PLD5: variants seen among roughly 807,000 people sequenced by gnomAD.
PLD5 encodes phospholipase D family member 5.
PLD5 carries 36 observed loss-of-function variants against 61.1 expected under a neutral mutation model. The observed-to-expected ratio is 0.59, with a 90% confidence interval of 0.45 to 0.78. The LOEUF (loss-of-function observed/expected upper bound fraction) is 0.78. Ranked by LOEUF, PLD5 falls within the 30% of genes least tolerant of loss-of-function variation. The pLI is 0.00. For missense variants in PLD5, 515 were observed against 644.4 expected, an observed-to-expected ratio of 0.80 and a Z score of 2.17; for synonymous variants, 243 against 242.8, an observed-to-expected ratio of 1.00 and a Z score of -0.01.
intron 5 of PLD5, among the ~76,000 whole-genome samples, chr1:242,171,163 G>A (rs562191110): frequency 1.5e-3 from 233 of 152,320 alleles, no homozygotes; most frequent in African/African-American, 5.3e-3. Flanking sequence ...TCCACAAAGG[G>A]AAGCTCATCA....
intron 1 of PLD5, among the ~76,000 whole-genome samples, chr1:242,449,091 G>T (rs377602080): frequency 1.3e-5 from 2 of 152,322 alleles, no homozygotes; most frequent in South Asian, 4.1e-4. Context: ...GTCACCGTAG[G>T]ACTGTCCTTC....
intron 1 of PLD5, among the ~76,000 whole-genome samples, chr1:242,372,912 G>T (rs1048904291): frequency 6.6e-6 from 1 of 152,098 alleles, no homozygotes; most frequent in Non-Finnish European, 1.5e-5. Context: ...AACACCAAAA[G>T]CAACGGCAAC....
chr1:242,399,868 T>C (rs559492492), intron 1 of PLD5, among the ~76,000 whole-genome samples: 3 of 151,558 alleles, frequency 2.0e-5, no homozygotes, highest in Non-Finnish European at 4.4e-5. Flanking sequence ...CTAGGCTGCG[T>C]GCTCCTTATG....
intron 1 of PLD5, among the ~76,000 whole-genome samples, chr1:242,389,689 C>T (rs1379283320): frequency 6.6e-6 from 1 of 151,980 alleles, no homozygotes; most frequent in Non-Finnish European, 1.5e-5. Context: ...AAAGGCCAAA[C>T]TGGCTTGAAA....
Position 242,089,763 on chromosome 1 carries a change from AAAAG to A in PLD5, c.*87_*90del. On this transcript the variant is annotated 3_prime_UTR_variant, in exon 10 of 10. Transcript: ENST00000536534. ...TTTATAAGTGTGCTTTTTCCCTAAAAAAAGAGACATATTAAAGTGTTTTTTCTCT... is the reference window on the plus strand; with the variant it reads ...TTTATAAGTGTGCTTTTTCCCTAAAAAGACATATTAAAGTGTTTTTTCTCT... 1 of 1,510,308 alleles carries A rather than the reference AAAAG, an allele frequency of 6.6e-7. No individual in the cohort carries two copies. Among genetic ancestry groups the A allele is most frequent in the East Asian group, 2.3e-5 (1 of 44,030 alleles). The allele number at this position is 1,510,308 out of a possible 1,614,324, so 93.6% of individuals were successfully genotyped here.
chr1:242,190,442 G>A (rs1050339545), intron 5 of PLD5, among the ~76,000 whole-genome samples: 14 of 151,462 alleles, frequency 9.2e-5, no homozygotes, highest in Non-Finnish European at 1.9e-4. Context: ...CACCGCGCCC[G>A]GCCCATTGCA....
chr1:242,481,370 A>G (rs112292958), intron 1 of PLD5, among the ~76,000 whole-genome samples: 10,126 of 152,218 alleles, frequency 0.067, 408 homozygotes, highest in African/African-American at 0.09. Context: ...TTAATACTGC[A>G]CTTTTCCAAC....
Position 242,191,043 on chromosome 1 carries a change from C to G in PLD5, c.735+28945G>C, listed in dbSNP as rs1384613571. Among the ~76,000 whole-genome samples the G allele has an allele frequency of 2.6e-5, 4 of 151,818 alleles. No homozygotes were observed. The East Asian group carries it at 7.8e-4, about 29-fold the overall frequency. ...TACCAGCAATAATGAAATTAACACC[C>G]AAATGCAAGAGGAGGCTCCTTCTGA... On this transcript the variant is annotated intron_variant, in intron 5 of 9. Coordinates refer to ENST00000536534, the MANE Select transcript of PLD5 (RefSeq NM_001372062.1).
At chr1:242,329,168 A>G (rs929943110) in intron 2 of PLD5, among the ~76,000 whole-genome samples, 11 of 151,910 alleles carry the variant, frequency 7.2e-5, no homozygotes, top group African/African-American at 2.2e-4. Flanking sequence ...CTGCCACCAC[A>G]CCTGGCTAAT....
intron 2 of PLD5, among the ~76,000 whole-genome samples, chr1:242,335,182 G>A (rs1659428099): frequency 6.6e-6 from 1 of 151,756 alleles, no homozygotes; most frequent in African/African-American, 2.4e-5. Flanking sequence ...GTCAAGGAAA[G>A]AGTTTTTCCT....
chr1:242,172,933 C>T (rs553240540), intron 5 of PLD5, among the ~76,000 whole-genome samples: 13 of 152,208 alleles, frequency 8.5e-5, no homozygotes, highest in African/African-American at 2.9e-4. Context: ...GGATTCACAG[C>T]CAAATTCTAC....
intron 1 of PLD5, among the ~76,000 whole-genome samples, chr1:242,450,533 AT>A (rs892682060): frequency 6.6e-6 from 1 of 152,086 alleles, no homozygotes; most frequent in Non-Finnish European, 1.5e-5. Context: ...TTTTCCTCTC[AT>A]CAAAAAGGAA....
chr1:242,370,899 C>G (rs913214338), intron 1 of PLD5, among the ~76,000 whole-genome samples: 1 of 152,154 alleles, frequency 6.6e-6, no homozygotes, highest in African/African-American at 2.4e-5. Context: ...TTGACTCTTG[C>G]AATATATCAA....
rs540519809 is a variant in PLD5 at position 242,143,444 on chromosome 1, C to CTGG, written c.736-18782_736-18780dup. ...AGCTAATAGTTTGATTGGTGAATGA[C>CTGG]TGGTGAATTAAGTGGATATGAAATC... On this transcript the variant is annotated intron_variant, in intron 5 of 9. Coordinates refer to ENST00000536534, the MANE Select transcript of PLD5 (RefSeq NM_001372062.1). 3.2e-3 allele frequency among the ~76,000 whole-genome samples: 483 copies of CTGG among 152,282 alleles called. 3 individuals carry two copies. The highest frequency in any genetic ancestry group is 0.011 in the African/African-American group (471 of 41,548).
At chr1:242,174,945 G>C (rs1239577786) in intron 5 of PLD5, among the ~76,000 whole-genome samples, 1 of 152,122 alleles carries the variant, frequency 6.6e-6, no homozygotes, top group African/African-American at 2.4e-5. Flanking sequence ...TAATGTAAAT[G>C]ATGAGTTATT....
At chr1:242,224,029 T>C (rs975061252) in intron 4 of PLD5, among the ~76,000 whole-genome samples, 2 of 152,334 alleles carry the variant, frequency 1.3e-5, no homozygotes, top group African/African-American at 4.8e-5. Context: ...TAGGAAGCGA[T>C]GGTTAAAATA....
Position 242,439,441 on chromosome 1 carries a change from C to T in PLD5, c.189+84647G>A, listed in dbSNP as rs74775525. ...GTAGGCCTGGAAGGAGCCCACATCA[C>T]TTCTGCCTACATGTAGTTGGCCTGA... On this transcript the variant is annotated intron_variant, in intron 1 of 9. Coordinates refer to ENST00000536534, the MANE Select transcript of PLD5 (RefSeq NM_001372062.1). 2.8e-3 allele frequency among the ~76,000 whole-genome samples: 424 copies of T among 152,298 alleles called. 7 individuals carry two copies. Among genetic ancestry groups the T allele is most frequent in the African/African-American group, 9.0e-3 (374 of 41,550 alleles).
chr1:242,364,359 C>A (rs1387458957), intron 1 of PLD5, among the ~76,000 whole-genome samples: 1 of 152,164 alleles, frequency 6.6e-6, no homozygotes, highest in African/African-American at 2.4e-5. Flanking sequence ...TATTTAAGAG[C>A]ACATAGACCA....
chr1:242,328,251 C>T (rs1012628067), intron 2 of PLD5, among the ~76,000 whole-genome samples: 7 of 151,146 alleles, frequency 4.6e-5, no homozygotes, highest in African/African-American at 1.7e-4. Context: ...TCAAGATGAA[C>T]ATATATATAT....
Sources: allele counts gnomAD v4.1 joint callset (sites outside exome capture counted in the v4.1 genomes callset), GRCh38; gene constraint gnomAD v4.1.1; transcripts MANE v1.5; gene names NCBI Gene and HGNC (gene_info 2026-07-23, HGNC 2026-07-21).